CNTNAP5: variants seen among roughly 807,000 people sequenced by gnomAD.
CNTNAP5 encodes the protein contactin associated protein family member 5, also known as contactin-associated protein-like 5.
CNTNAP5 carries 72 observed loss-of-function variants against 150.2 expected under a neutral mutation model. The observed-to-expected ratio is 0.48, with a 90% CI of 0.40 to 0.58. The LOEUF is 0.58. Ranked by LOEUF, CNTNAP5 falls within the 20% of genes least tolerant of loss-of-function variation. The pLI is 0.00. For missense variants in CNTNAP5, 1,636 were observed against 1,626.2 expected (o/e 1.01, Z -0.10); for synonymous variants, 672 against 619.8 (o/e 1.08, Z -1.25).
intron 1 of CNTNAP5, among the ~76,000 whole-genome samples, chr2:124,038,171 G>C (rs553355492): frequency 6.6e-6 from 1 of 152,308 alleles, no homozygotes; most frequent in African/African-American, 2.4e-5. Context: ...ATGGGACCCT[G>C]TCCGACTGGC....
intron 1 of CNTNAP5, among the ~76,000 whole-genome samples, chr2:124,098,061 A>G (rs1156976902): frequency 1.3e-5 from 2 of 152,136 alleles, no homozygotes; most frequent in African/African-American, 2.4e-5. Flanking sequence ...AAAAACAAAA[A>G]AGCCTTTGAC....
At chr2:124,332,969 C>A (rs986566234) in intron 3 of CNTNAP5, among the ~76,000 whole-genome samples, 1 of 152,124 alleles carries the variant, frequency 6.6e-6, no homozygotes, top group Admixed American at 6.5e-5. Flanking sequence ...ATCACTAAGT[C>A]AATTCAGTAC....
chr2:124,055,059 C>T (rs1681808723), intron 1 of CNTNAP5, among the ~76,000 whole-genome samples: 3 of 152,248 alleles, frequency 2.0e-5, no homozygotes, highest in South Asian at 4.2e-4. Context: ...GGGCATAATA[C>T]CCATCTTGCA....
chr2:124,202,030 T>C (rs1685740143), intron 1 of CNTNAP5, among the ~76,000 whole-genome samples: 2 of 152,158 alleles, frequency 1.3e-5, no homozygotes. Flanking sequence ...ATTTTATACA[T>C]ATACTTCATA....
chr2:124,762,215 G>A (rs574848474), intron 14 of CNTNAP5, among the ~76,000 whole-genome samples: 1 of 152,104 alleles, frequency 6.6e-6, no homozygotes, highest in Admixed American at 6.6e-5. Flanking sequence ...TCTAAGTACA[G>A]GTATTCGAAT....
At position 124,745,180 on chromosome 2, in the gene CNTNAP5, A is replaced by G. The variant is rs571849805; in HGVS notation, c.2078-2049A>G. On this transcript the variant is annotated intron_variant, in intron 13 of 23. Transcript: ENST00000682447. The stretch of plus-strand genomic sequence containing the variant: ...ATCTACTAGAAGCAACACATCCACC[A>G]GAAGTTGCACACAAACTGGCTGTTC... 1.1e-4 allele frequency among the ~76,000 whole-genome samples: 17 copies of G among 152,300 alleles called. No homozygotes were observed. The South Asian group carries it at 3.3e-3, about 30-fold the overall frequency.
intron 1 of CNTNAP5, among the ~76,000 whole-genome samples, chr2:124,143,992 A>C (rs370536927): frequency 1.3e-5 from 2 of 151,198 alleles, no homozygotes; most frequent in Non-Finnish European, 2.9e-5. Flanking sequence ...TTCTTATACA[A>C]CAACAACAGA....
intron 11 of CNTNAP5, among the ~76,000 whole-genome samples, chr2:124,569,270 A>G (rs1696098988): frequency 6.6e-6 from 1 of 152,160 alleles, no homozygotes; most frequent in African/African-American, 2.4e-5. Context: ...ATTGTTTACT[A>G]CAACTTGTAA....
At chr2:124,740,165 G>A (rs1680468299) in intron 13 of CNTNAP5, among the ~76,000 whole-genome samples, 2 of 151,410 alleles carry the variant, frequency 1.3e-5, no homozygotes, top group African/African-American at 2.4e-5. Context: ...ATATATGTGT[G>A]TATACACATG....
chr2:124,156,002 A>G (rs1369254056), intron 1 of CNTNAP5, among the ~76,000 whole-genome samples: 1 of 152,224 alleles, frequency 6.6e-6, no homozygotes. Context: ...CACCTCGTAT[A>G]AAACAGAAGC....
At chr2:124,497,272 G>C (rs1005255198) in intron 7 of CNTNAP5, among the ~76,000 whole-genome samples, 3 of 152,156 alleles carry the variant, frequency 2.0e-5, no homozygotes, top group Admixed American at 2.0e-4. Flanking sequence ...GAATGTGCTT[G>C]AATATCCAAA....
intron 1 of CNTNAP5, among the ~76,000 whole-genome samples, chr2:124,056,395 C>T (rs187680494): frequency 1.8e-4 from 27 of 152,126 alleles, no homozygotes; most frequent in Admixed American, 1.6e-3. Flanking sequence ...GAGGCCGAGG[C>T]GAGCAGATCA....
chr2:124,443,818 G>A (rs1239497478), intron 5 of CNTNAP5, among the ~76,000 whole-genome samples: 3 of 45,954 alleles, frequency 6.5e-5, no homozygotes, highest in Non-Finnish European at 1.1e-4. Flanking sequence ...CTTGCCGTGT[G>A]TGTGTGTGTG....
Position 124,816,842 on chromosome 2 carries a change from T to A in CNTNAP5, c.3217+18522T>A, listed in dbSNP as rs1267180382. 2.0e-5 allele frequency among the ~76,000 whole-genome samples: 3 copies of A among 152,174 alleles called. No individual in the cohort carries two copies. The East Asian group carries it at 5.8e-4, about 29-fold the overall frequency. Reference sequence around the variant, plus strand: ...ATGTATGTATGGATGAGTCTTTTAATGTAATTACAGAGAGGATATTCTATC... The same window carrying A: ...ATGTATGTATGGATGAGTCTTTTAAAGTAATTACAGAGAGGATATTCTATC... On this transcript the variant is annotated intron_variant, in intron 19 of 23. Transcript: ENST00000682447.
At chr2:124,509,972 C>T (rs142685261) in intron 8 of CNTNAP5, among the ~76,000 whole-genome samples, 47 of 151,980 alleles carry the variant, frequency 3.1e-4, no homozygotes, top group African/African-American at 6.5e-4. Context: ...GAGGCTGAGG[C>T]GGGTGGATTG....
At chr2:124,388,228 G>T (rs1192654910) in intron 3 of CNTNAP5, among the ~76,000 whole-genome samples, 1 of 152,160 alleles carries the variant, frequency 6.6e-6, no homozygotes. Flanking sequence ...TGAGGCTTAG[G>T]CATGAGCCAA....
intron 6 of CNTNAP5, among the ~76,000 whole-genome samples, chr2:124,473,027 A>G (rs1693554625): frequency 6.6e-6 from 1 of 152,094 alleles, no homozygotes; most frequent in Non-Finnish European, 1.5e-5. Context: ...AAAAGTATAT[A>G]CAAGTATCTG....
chr2:124,767,751 A>G (rs1681097933), intron 16 of CNTNAP5, among the ~76,000 whole-genome samples: 1 of 152,202 alleles, frequency 6.6e-6, no homozygotes, highest in Non-Finnish European at 1.5e-5. Context: ...GCATGTGACT[A>G]AGCCCAGAGG....
chr2:124,099,693 C>T (rs1485439530), intron 1 of CNTNAP5, among the ~76,000 whole-genome samples: 1 of 152,156 alleles, frequency 6.6e-6, no homozygotes, highest in Non-Finnish European at 1.5e-5. Context: ...AGAATGGCAG[C>T]ATCTGCTTCC....
Sources: allele counts gnomAD v4.1 joint callset (sites outside exome capture counted in the v4.1 genomes callset), GRCh38; gene constraint gnomAD v4.1.1; transcripts MANE v1.5; gene names NCBI Gene and HGNC (gene_info 2026-07-23, HGNC 2026-07-21).